Variants in TATDN2 observed in about 807,000 individuals in gnomAD.
The protein encoded by TATDN2 is TatD DNase domain containing 2.
Under a neutral mutation model 60.3 loss-of-function variants are expected in TATDN2, and 44 were observed. That is an observed-to-expected ratio of 0.73 (90% CI 0.57 to 0.94). The LOEUF (loss-of-function observed/expected upper bound fraction) is 0.94. Ranked by LOEUF, TATDN2 falls within the 40% of genes least tolerant of loss-of-function variation. The probability of loss-of-function intolerance (pLI) is 0.00; values close to 1 mark genes in which losing one functional copy is unlikely to be tolerated. For missense variants in TATDN2, 997 were observed against 948.0 expected, an observed-to-expected ratio of 1.05 and a Z score of -0.68; for synonymous variants, 399 against 355.8, an observed-to-expected ratio of 1.12 and a Z score of -1.37.
chr3:10,250,016 G>A (rs916793306), intron 2 of TATDN2, among the ~76,000 whole-genome samples: 1 of 152,272 alleles, frequency 6.6e-6, no homozygotes, highest in South Asian at 2.1e-4. Context: ...CTCAAGAGAA[G>A]AATGTATTTA....
intron 3 of TATDN2, among the ~76,000 whole-genome samples, chr3:10,266,046 T>C (rs922021962): frequency 6.6e-6 from 1 of 152,206 alleles, no homozygotes; most frequent in Admixed American, 6.5e-5. Context: ...CATTAACCCA[T>C]CTGTTTTCTA....
At chr3:10,264,199 T>A in intron 3 of TATDN2, among the ~76,000 whole-genome samples, 1 of 152,156 alleles carries the variant, frequency 6.6e-6, no homozygotes, top group East Asian at 1.9e-4. Flanking sequence ...CTCCTCCTTT[T>A]AATGTTCTTC....
chr3:10,258,053 G>A (rs1189489183), intron 2 of TATDN2, among the ~76,000 whole-genome samples: 2 of 149,644 alleles, frequency 1.3e-5, no homozygotes, highest in Non-Finnish European at 3.0e-5. Context: ...GTAGAGACGG[G>A]GTTTCACTGT....
rs1032266327 is a variant in TATDN2 at position 10,249,713 on chromosome 3, C to T, written c.414+99C>T. 72 of 1,340,572 alleles carry T rather than the reference C, an allele frequency of 5.4e-5. No individual in the cohort carries two copies. The African/African-American group carries it at 9.7e-4, about 18-fold the overall frequency. 83.0% of individuals were successfully genotyped at this position (1,340,572 alleles called of 1,614,324 possible). A position where few individuals can be genotyped will look rare whatever the true frequency, so the allele number is the denominator to read the frequency against. On this transcript the variant is annotated intron_variant, in intron 2 of 7. Transcript: ENST00000448281. ...GGTGGAAGGAGACTACAAAACATTA[C>T]ATCCTTGAAGGTCTGGAAGGTCTTT... is the stretch of plus-strand genomic sequence containing the variant.
chr3:10,278,340 T>A lies in TATDN2; in HGVS notation c.2023T>A (p.Ser675Thr), dbSNP rs1016232266. 14 of 1,614,052 alleles carry A rather than the reference T, an allele frequency of 8.7e-6. No homozygotes were observed. The highest frequency in any genetic ancestry group is 1.2e-5 in the Non-Finnish European group (14 of 1,180,036). Residue 675 changes from serine to threonine, a missense_variant, in exon 6 of 8, where the codon TCT becomes ACT. Coordinates refer to ENST00000448281, the MANE Select transcript of TATDN2 (RefSeq NM_014760.4). The surrounding 1 kb of genome is among the most constrained non-coding windows in gnomAD (Gnocchi z 4.7). ...CCTGCTGAAGTACTTTCCCAACATG[T>A]CTGTGGGCTTCACGGCAGTGCTGAC... is the stretch of plus-strand genomic sequence containing the variant. ...EPLLKYFPNM[S>T]VGFTAVLTYS...
rs1485541974 is a variant in TATDN2, at chr3:10,280,078, G to C, written c.*896G>C. ...TTTTGCCCCCTTCTTGGGAACATTT[G>C]ACCAAAAATAATCCTCATTTCATCT... On this transcript the variant is annotated 3_prime_UTR_variant, in exon 8 of 8. Coordinates refer to ENST00000448281, the MANE Select transcript of TATDN2 (RefSeq NM_014760.4). 2 of 153,746 alleles carry C rather than the reference G, an allele frequency of 1.3e-5. No individual in the cohort carries two copies. Among genetic ancestry groups the C allele is most frequent in the Non-Finnish European group, 2.9e-5 (2 of 68,032 alleles). The allele number at this position is 153,746 out of a possible 1,614,324, so 9.5% of individuals were successfully genotyped here.
chr3:10,252,232 T>A (rs2125171085), intron 2 of TATDN2, among the ~76,000 whole-genome samples: 1 of 150,526 alleles, frequency 6.6e-6, no homozygotes, highest in Middle Eastern at 3.4e-3. Flanking sequence ...ACTCCTGGGC[T>A]CAAGCTGTCC....
At chr3:10,258,460 T>A (rs1381611070) in intron 2 of TATDN2, among the ~76,000 whole-genome samples, 1 of 151,072 alleles carries the variant, frequency 6.6e-6, no homozygotes, top group Non-Finnish European at 1.5e-5. Flanking sequence ...GTAATTTTAT[T>A]TTTATTTTGC....
chr3:10,263,835 A>T (rs1698440849), intron 3 of TATDN2, among the ~76,000 whole-genome samples: 1 of 152,180 alleles, frequency 6.6e-6, no homozygotes, highest in Admixed American at 6.5e-5. Flanking sequence ...CTCTGAGCGT[A>T]AAGACTTTGA....
chr3:10,278,199 A>G lies in TATDN2; in HGVS notation c.1962-80A>G. 1 of 1,444,050 alleles carries G rather than the reference A, an allele frequency of 6.9e-7. No individual in the cohort carries two copies. Among genetic ancestry groups the G allele is most frequent in the Non-Finnish European group, 9.5e-7 (1 of 1,058,156 alleles). 89.5% of individuals were successfully genotyped at this position (1,444,050 alleles called of 1,614,324 possible). On this transcript the variant is annotated intron_variant, in intron 5 of 7. Coordinates refer to ENST00000448281, the MANE Select transcript of TATDN2 (RefSeq NM_014760.4). The surrounding 1 kb of genome is among the most constrained non-coding windows in gnomAD (Gnocchi z 4.7). ...TTTCCATTTCTGGGAATCATTGAAAAGGGGTGATGGGTGTGGGGGGAGCTG... is the reference window on the plus strand; with the variant it reads ...TTTCCATTTCTGGGAATCATTGAAAGGGGGTGATGGGTGTGGGGGGAGCTG...
chr3:10,253,339 T>G (rs947070667), intron 2 of TATDN2, among the ~76,000 whole-genome samples: 3 of 152,178 alleles, frequency 2.0e-5, no homozygotes, highest in African/African-American at 7.2e-5. Flanking sequence ...GTTGACTTTG[T>G]TCCCTTCTCC....
intron 2 of TATDN2, among the ~76,000 whole-genome samples, chr3:10,257,356 C>T (rs2005903): frequency 0.17 from 24,721 of 147,038 alleles, 2,955 homozygotes; most frequent in East Asian, 0.65. Context: ...ACAGGCTGAG[C>T]GCGGTGGCTC....
At chr3:10,264,964 C>A (rs1419413311) in intron 3 of TATDN2, among the ~76,000 whole-genome samples, 1 of 150,536 alleles carries the variant, frequency 6.6e-6, no homozygotes, top group Non-Finnish European at 1.5e-5. Context: ...GCGTGAGCCA[C>A]CGCGCCTGGC....
rs763449311 is a variant in TATDN2 at position 10,278,254 on chromosome 3, C to T, written c.1962-25C>T. ...CTGCTGCAGAGGGGACTGTGAGCAG[C>T]CCTGATGTGGAGTTCTGTCTCCAGG... is the stretch of plus-strand genomic sequence containing the variant. On this transcript the variant is annotated intron_variant, in intron 5 of 7. Transcript: ENST00000448281. This position sits in a 1 kb window ranked among gnomAD's most constrained non-coding sequence, Gnocchi z 4.7. 1 of 1,608,076 alleles carries T rather than the reference C, an allele frequency of 6.2e-7. No homozygotes were observed. The highest frequency in any genetic ancestry group is 8.5e-7 in the Non-Finnish European group (1 of 1,176,378).
chr3:10,270,986 T>G lies in TATDN2; in HGVS notation c.1804T>G (p.Cys602Gly). 1.9e-6 allele frequency: 3 copies of G among 1,605,374 alleles called. No individual in the cohort carries two copies. Among genetic ancestry groups the G allele is most frequent in the Non-Finnish European group, 2.6e-6 (3 of 1,176,356 alleles). The change falls in exon 4 of 8, where the codon TGC becomes GGC. Residue 602 changes from cysteine (C) to glycine (G), a missense_variant. Transcript: ENST00000448281. ...GEMGLDYSYKCTTPVPEQHKV... is the reference protein window; with the variant it reads ...GEMGLDYSYKGTTPVPEQHKV... ...AATGGGCTTGGATTACTCTTACAAG[T>G]GCACCACGCCTGTCCCAGAACAGCA...
At position 10,260,283 on chromosome 3, in the gene TATDN2, C is replaced by T. The variant is rs369474879; in HGVS notation, c.561C>T (p.Tyr187=). 1.2e-5 allele frequency: 20 copies of T among 1,614,032 alleles called. No individual in the cohort carries two copies. In the African/African-American group the frequency reaches 2.4e-4, roughly 19 times the overall value. ...RLRDQGSTMI[Y]LKAIQGILGK... ...GAGACCAGGGCTCCACAATGATCTACCTGAAGGCTATCCAGGGCATCCTGG... is the reference window on the plus strand; with the variant it reads ...GAGACCAGGGCTCCACAATGATCTATCTGAAGGCTATCCAGGGCATCCTGG... The change falls in exon 3 of 8, where the codon TAC becomes TAT. Residue 187 remains tyrosine, a synonymous_variant. Coordinates refer to ENST00000448281, the MANE Select transcript of TATDN2 (RefSeq NM_014760.4).
chr3:10,267,072 A>G (rs1192339725), intron 3 of TATDN2, among the ~76,000 whole-genome samples: 1 of 151,844 alleles, frequency 6.6e-6, no homozygotes, highest in East Asian at 1.9e-4. Flanking sequence ...GGCGTGCACA[A>G]CCGCATTTGG....
chr3:10,278,785 C>A lies in TATDN2; in HGVS notation c.2146-100C>A. 6.3e-7 allele frequency: 1 copy of A among 1,577,196 alleles called. No homozygotes were observed. On this transcript the variant is annotated intron_variant, in intron 6 of 7. Transcript: ENST00000448281. The surrounding 1 kb of genome is among the most constrained non-coding windows in gnomAD (Gnocchi z 4.7). The stretch of plus-strand genomic sequence containing the variant: ...GGTAAAGGGGTCTCTACAGGGCAGC[C>A]CCAAAGAGGTCCTTGCTGGGGAAGG...
chr3:10,260,683 TGTACCAG>T lies in TATDN2; in HGVS notation c.948+15_948+21del. 6.2e-7 allele frequency: 1 copy of T among 1,604,410 alleles called. No individual in the cohort carries two copies. The highest frequency in any genetic ancestry group is 1.1e-5 in the South Asian group (1 of 89,896). On this transcript the variant is annotated intron_variant, in intron 3 of 7. Coordinates refer to ENST00000448281, the MANE Select transcript of TATDN2 (RefSeq NM_014760.4). ...AGAAATCCAAAAGGTGAGTAAAGCT[TGTACCAG>T]GCATCTGACTTTTTAGTTCTGTTGA...
Sources: gnomAD v4.1 joint callset for allele counts (sites outside exome capture counted in the v4.1 genomes callset) on GRCh38, gnomAD v4.1.1 for gene constraint, Gnocchi (gnomAD v3.1) non-coding constraint, MANE v1.5 for transcripts, NCBI Gene and HGNC (gene_info 2026-07-23, HGNC 2026-07-21) for gene names.